LIN52: variants seen among roughly 807,000 people sequenced by gnomAD.
LIN52 encodes the protein protein lin-52 homolog.
A neutral mutation model predicts 18.5 loss-of-function variants in LIN52; 4 were observed. The ratio of observed to expected loss-of-function variants is 0.22; its 90% CI spans 0.11 to 0.49. LIN52 has a LOEUF of 0.49. Among genes scored for constraint, LIN52 ranks in the 20% least tolerant of loss-of-function variants. The pLI, the probability that LIN52 is intolerant of heterozygous loss-of-function variation, is 0.97. For missense variants in LIN52, 102 were observed against 139.5 expected (o/e 0.73, Z 1.35); for synonymous variants, 34 against 45.5 (o/e 0.75, Z 1.02).
chr14:74,183,049 G>A (rs531544032), intron 5 of LIN52, among the ~76,000 whole-genome samples: 14 of 151,444 alleles, frequency 9.2e-5, no homozygotes, highest in African/African-American at 2.4e-4. Flanking sequence ...AGAATTTAAC[G>A]ATGGAAATAA....
intron 5 of LIN52, among the ~76,000 whole-genome samples, chr14:74,175,748 A>ACACACC (rs796441764): frequency 2.5e-3 from 243 of 98,818 alleles, no homozygotes; most frequent in Middle Eastern, 0.015. Context: ...ACACACACAC[A>ACACACC]CACCCCCATT....
chr14:74,176,509 A>G (rs2061295319), intron 5 of LIN52, among the ~76,000 whole-genome samples: 2 of 152,312 alleles, frequency 1.3e-5, no homozygotes, highest in East Asian at 1.9e-4. Flanking sequence ...ATCTATCATT[A>G]TCAAGTATGT....
At chr14:74,148,389 C>G (rs2061162479) in intron 5 of LIN52, among the ~76,000 whole-genome samples, 1 of 152,138 alleles carries the variant, frequency 6.6e-6, no homozygotes, top group Non-Finnish European at 1.5e-5. Flanking sequence ...AAGCTCCTCT[C>G]ATGGCACTTA....
intron 5 of LIN52, among the ~76,000 whole-genome samples, chr14:74,196,661 G>A (rs1252180962): frequency 6.6e-6 from 1 of 151,974 alleles, no homozygotes; most frequent in Non-Finnish European, 1.5e-5. Context: ...AAGGAACGGA[G>A]TTTTGTTTGC....
intron 5 of LIN52, among the ~76,000 whole-genome samples, chr14:74,195,106 A>C (rs572753989): frequency 2.6e-5 from 4 of 152,288 alleles, no homozygotes; most frequent in Admixed American, 2.0e-4. Flanking sequence ...AGATTGCAAC[A>C]TTGCACTCCA....
intron 5 of LIN52, among the ~76,000 whole-genome samples, chr14:74,102,535 C>G (rs2060865320): frequency 6.6e-6 from 1 of 152,190 alleles, no homozygotes; most frequent in African/African-American, 2.4e-5. Context: ...TTACTAGTTA[C>G]CATGTATGTC....
intron 5 of LIN52, among the ~76,000 whole-genome samples, chr14:74,151,861 T>G (rs2061178048): frequency 6.6e-6 from 1 of 151,680 alleles, no homozygotes; most frequent in Admixed American, 6.6e-5. Flanking sequence ...AACCTGCCAT[T>G]TTTTTTTTCT....
chr14:74,195,305 A>G (rs140765103), intron 5 of LIN52, among the ~76,000 whole-genome samples: 8 of 152,304 alleles, frequency 5.3e-5, no homozygotes, highest in Non-Finnish European at 8.8e-5. Flanking sequence ...CAAGCTGAAG[A>G]ACATGTAGTC....
intron 5 of LIN52, among the ~76,000 whole-genome samples, chr14:74,165,516 T>C (rs1414316111): frequency 2.8e-5 from 4 of 142,252 alleles, no homozygotes; most frequent in African/African-American, 1.1e-4. Flanking sequence ...TTCTTTTCTT[T>C]TTTTTTTTTT....
chr14:74,150,726 T>C (rs1450970587), intron 5 of LIN52, among the ~76,000 whole-genome samples: 3 of 152,234 alleles, frequency 2.0e-5, no homozygotes, highest in Non-Finnish European at 4.4e-5. Flanking sequence ...GAATACACTC[T>C]AAGGGCTAAT....
At chr14:74,122,340 A>T (rs1292541469) in intron 5 of LIN52, among the ~76,000 whole-genome samples, 1 of 152,230 alleles carries the variant, frequency 6.6e-6, no homozygotes, top group African/African-American at 2.4e-5. Context: ...TGGTGTCTGC[A>T]GCTAGCTCTC....
chr14:74,185,941 G>A (rs2061339028), intron 5 of LIN52, among the ~76,000 whole-genome samples: 1 of 152,106 alleles, frequency 6.6e-6, no homozygotes, highest in Admixed American at 6.6e-5. Context: ...GGGTTAAAGG[G>A]TAAAATGCAT....
At chr14:74,148,396 C>T (rs2061162545) in intron 5 of LIN52, among the ~76,000 whole-genome samples, 1 of 152,152 alleles carries the variant, frequency 6.6e-6, no homozygotes, top group African/African-American at 2.4e-5. Flanking sequence ...TCTCATGGCA[C>T]TTACAATCTG....
chr14:74,147,436 A>G (rs1032939898), intron 5 of LIN52, among the ~76,000 whole-genome samples: 3 of 152,212 alleles, frequency 2.0e-5, no homozygotes, highest in Non-Finnish European at 2.9e-5. Context: ...ATATGATACC[A>G]AAAGAACAAG....
At chr14:74,137,498 C>CTCTTT (rs776969152) in intron 5 of LIN52, among the ~76,000 whole-genome samples, 11,180 of 111,770 alleles carry the variant, frequency 0.1, 820 homozygotes, top group South Asian at 0.16. Flanking sequence ...CAGCAGCTCT[C>CTCTTT]TTTTTTTTTT....
At chr14:74,114,522 A>T in intron 5 of LIN52, 4 of 681,038 alleles carry the variant, frequency 5.9e-6, no homozygotes, top group African/African-American at 1.9e-5. Flanking sequence ...GGATAAGCTG[A>T]AATTAGAGCT....
intron 5 of LIN52, among the ~76,000 whole-genome samples, chr14:74,144,641 A>G (rs2061146602): frequency 6.6e-6 from 1 of 151,992 alleles, no homozygotes; most frequent in African/African-American, 2.4e-5. Context: ...CTTTCAAGAC[A>G]GGACCTTGAC....
intron 4 of LIN52, among the ~76,000 whole-genome samples, chr14:74,098,929 T>G (rs1456960636): frequency 6.6e-6 from 1 of 152,214 alleles, no homozygotes; most frequent in Non-Finnish European, 1.5e-5. Context: ...ATATTGTCAG[T>G]ACTATTAAAT....
intron 5 of LIN52, among the ~76,000 whole-genome samples, chr14:74,171,941 T>C (rs2061273352): frequency 6.6e-6 from 1 of 152,110 alleles, no homozygotes; most frequent in African/African-American, 2.4e-5. Context: ...GATTTTGCCA[T>C]ATTGGCCAGG....
Sources: allele counts gnomAD v4.1 joint callset (sites outside exome capture counted in the v4.1 genomes callset), GRCh38; gene constraint gnomAD v4.1.1; transcripts MANE v1.5; gene names NCBI Gene and HGNC (gene_info 2026-07-23, HGNC 2026-07-21).